EXT1: variants seen among roughly 807,000 people sequenced by gnomAD.
The protein encoded by EXT1 is exostosin-1.
In EXT1, 20 loss-of-function variants were observed where a neutral mutation model predicts 82.5. The ratio of observed to expected loss-of-function variants is 0.24; its 90% CI spans 0.17 to 0.35. The LOEUF is 0.35. Among genes scored for constraint, EXT1 ranks in the 10% least tolerant of loss-of-function variants. EXT1 has a pLI of 1.00. For synonymous variants in EXT1, 348 were observed against 350.8 expected, an observed-to-expected ratio of 0.99 and a Z score of 0.09; for missense variants, 757 against 936.5, an observed-to-expected ratio of 0.81 and a Z score of 2.50.
intron 1 of EXT1, among the ~76,000 whole-genome samples, chr8:118,027,442 T>C (rs1019193150): frequency 1.3e-5 from 2 of 152,142 alleles, no homozygotes; most frequent in Admixed American, 6.5e-5. Context: ...ATTTAACAGA[T>C]CTGGCTCAAG....
intron 1 of EXT1, among the ~76,000 whole-genome samples, chr8:117,926,207 T>C (rs1357603621): frequency 2.6e-5 from 4 of 152,230 alleles, no homozygotes; most frequent in Non-Finnish European, 2.9e-5. Flanking sequence ...TTTGATATTA[T>C]TCTCTAGATC....
chr8:118,054,646 G>A (rs1276329514), intron 1 of EXT1, among the ~76,000 whole-genome samples: 1 of 152,146 alleles, frequency 6.6e-6, no homozygotes, highest in East Asian at 1.9e-4. Flanking sequence ...GAAGGTAAAG[G>A]AGTTCAAAAG....
intron 10 of EXT1, among the ~76,000 whole-genome samples, chr8:117,801,726 G>A (rs1305349356): frequency 6.6e-6 from 1 of 152,098 alleles, no homozygotes; most frequent in African/African-American, 2.4e-5. Context: ...GGCTGGTCCT[G>A]AACTCCTGAG....
chr8:117,956,330 T>A (rs1814585188), intron 1 of EXT1, among the ~76,000 whole-genome samples: 1 of 152,152 alleles, frequency 6.6e-6, no homozygotes, highest in Non-Finnish European at 1.5e-5. Context: ...ATGTGAAACT[T>A]GAATTTCCTG....
intron 1 of EXT1, among the ~76,000 whole-genome samples, chr8:117,954,725 C>A (rs895914174): frequency 6.6e-6 from 1 of 152,184 alleles, no homozygotes; most frequent in African/African-American, 2.4e-5. Flanking sequence ...ATAACACCAT[C>A]CAACTCATAT....
At chr8:117,907,002 AC>A (rs1191895520) in intron 1 of EXT1, among the ~76,000 whole-genome samples, 4 of 151,614 alleles carry the variant, frequency 2.6e-5, no homozygotes, top group African/African-American at 9.7e-5. Context: ...TATCTCCCTC[AC>A]CCCACGAAAT....
At chr8:117,966,783 A>C (rs1814820397) in intron 1 of EXT1, among the ~76,000 whole-genome samples, 1 of 152,206 alleles carries the variant, frequency 6.6e-6, no homozygotes, top group African/African-American at 2.4e-5. Flanking sequence ...TGATGATAAA[A>C]TCTATTTTTA....
At position 117,807,222 on chromosome 8, in the gene EXT1, G is replaced by C. The variant is rs886039357; in HGVS notation, c.1878C>G (p.Tyr626Ter). The C allele has an allele frequency of 6.2e-7, 1 of 1,614,176 alleles. No homozygotes were observed. The highest frequency in any genetic ancestry group is 8.5e-7 in the Non-Finnish European group (1 of 1,180,026). ...GACATGTCCAGATTCCTCACTTGTG[G>C]TAAATAGCAGCTCCTGTCAACACCA... The part of the protein sequence containing the change: ...YSMVLTGAAI[Y>*]HKYYHYLYSH... The change falls in exon 9 of 11, where the codon TAC (tyrosine) becomes TAG (stop). Residue 626 changes from tyrosine to a stop codon, truncating the protein, a stop_gained. Coordinates refer to ENST00000378204, the MANE Select transcript of EXT1 (RefSeq NM_000127.3). LOFTEE classifies it high-confidence loss of function.
At chr8:117,974,747 A>T (rs1435779274) in intron 1 of EXT1, among the ~76,000 whole-genome samples, 2 of 152,164 alleles carry the variant, frequency 1.3e-5, no homozygotes, top group African/African-American at 4.8e-5. Context: ...GATTACAGGC[A>T]TGAGCCACCA....
intron 4 of EXT1, among the ~76,000 whole-genome samples, chr8:117,829,919 T>C (rs1194934799): frequency 1.3e-5 from 2 of 152,144 alleles, no homozygotes; most frequent in East Asian, 3.9e-4. Context: ...CTTCGAAGGA[T>C]GCCATTGAGT....
At chr8:118,015,325 T>G (rs2129844265) in intron 1 of EXT1, among the ~76,000 whole-genome samples, 1 of 152,318 alleles carries the variant, frequency 6.6e-6, no homozygotes, top group African/African-American at 2.4e-5. Context: ...AACCCAAGCC[T>G]TTTCTTTTAC....
chr8:117,842,123 C>G (rs1812283540), intron 1 of EXT1, among the ~76,000 whole-genome samples: 1 of 152,196 alleles, frequency 6.6e-6, no homozygotes, highest in South Asian at 2.1e-4. Context: ...CCACTGGCAC[C>G]ATAGTTAAGA....
At chr8:118,104,367 C>T (rs1291385387) in intron 1 of EXT1, among the ~76,000 whole-genome samples, 2 of 152,210 alleles carry the variant, frequency 1.3e-5, no homozygotes, top group African/African-American at 4.8e-5. Context: ...AAGTTAATTC[C>T]GCACAACCTG....
At chr8:118,047,376 A>G (rs1816639236) in intron 1 of EXT1, among the ~76,000 whole-genome samples, 1 of 152,164 alleles carries the variant, frequency 6.6e-6, no homozygotes, top group South Asian at 2.1e-4. Context: ...AAATCATAAT[A>G]GTACTTAACC....
intron 1 of EXT1, among the ~76,000 whole-genome samples, chr8:117,913,260 A>G (rs568973585): frequency 6.6e-6 from 1 of 152,210 alleles, no homozygotes; most frequent in African/African-American, 2.4e-5. Flanking sequence ...AACACAATGC[A>G]TGCCAGGGTT....
At chr8:118,055,917 T>G (rs1030622175) in intron 1 of EXT1, among the ~76,000 whole-genome samples, 1 of 152,200 alleles carries the variant, frequency 6.6e-6, no homozygotes, top group Non-Finnish European at 1.5e-5. Flanking sequence ...AGATTTTACC[T>G]TAAGTGACCA....
intron 1 of EXT1, among the ~76,000 whole-genome samples, chr8:118,056,985 A>G (rs1265147367): frequency 6.6e-6 from 1 of 152,102 alleles, no homozygotes; most frequent in Non-Finnish European, 1.5e-5. Flanking sequence ...TCCTAAACAC[A>G]GGCCCTGGGA....
chr8:118,051,478 T>C (rs10088107), intron 1 of EXT1, among the ~76,000 whole-genome samples: 77,115 of 152,070 alleles, frequency 0.51, 20,781 homozygotes, highest in African/African-American at 0.69. Context: ...TAAACAAAAA[T>C]TGAATAAAGC....
chr8:117,865,912 C>T (rs763267063), intron 1 of EXT1, among the ~76,000 whole-genome samples: 3 of 152,164 alleles, frequency 2.0e-5, no homozygotes, highest in Non-Finnish European at 4.4e-5. Flanking sequence ...GCTTGTCTTT[C>T]TTGTGTATAT....
Sources: gnomAD v4.1 joint callset for allele counts (sites outside exome capture counted in the v4.1 genomes callset) on GRCh38, gnomAD v4.1.1 for gene constraint, MANE v1.5 for transcripts, NCBI Gene and HGNC (gene_info 2026-07-23, HGNC 2026-07-21) for gene names.